Variants in ITPKB observed in about 807,000 individuals in gnomAD.
The protein encoded by ITPKB is inositol-trisphosphate 3-kinase B.
A neutral mutation model predicts 69.4 loss-of-function variants in ITPKB; 13 were observed. The ratio of observed to expected loss-of-function variants is 0.19; its 90% CI spans 0.12 to 0.30. The LOEUF (loss-of-function observed/expected upper bound fraction) is 0.30, where lower values mean the gene tolerates loss of function less well. Ranked by LOEUF, ITPKB falls within the 10% of genes least tolerant of loss-of-function variation. The pLI, the probability that ITPKB is intolerant of heterozygous loss-of-function variation, is 1.00. For missense variants in ITPKB, 1,240 were observed against 1,250.5 expected, an observed-to-expected ratio of 0.99 and a Z score of 0.13; for synonymous variants, 584 against 513.7, an observed-to-expected ratio of 1.14 and a Z score of -1.85.
intron 3 of ITPKB, 93 bp downstream of exon 3, chr1:226,648,579 C>A: frequency 1.2e-6 from 1 of 808,128 alleles, no homozygotes; most frequent in Non-Finnish European, 2.2e-6. Context: ...AGGGAACTTG[C>A]TCTGGAGCTT....
At chr1:226,701,073 A>C (rs538447649) in intron 2 of ITPKB, among the ~76,000 whole-genome samples, 1 of 152,176 alleles carries the variant, frequency 6.6e-6, no homozygotes, top group African/African-American at 2.4e-5. Flanking sequence ...CAGCTACCCA[A>C]TGACACTGAT....
intron 2 of ITPKB, among the ~76,000 whole-genome samples, chr1:226,682,929 C>A (rs187155130): frequency 6.6e-6 from 1 of 152,172 alleles, no homozygotes; most frequent in Non-Finnish European, 1.5e-5. Flanking sequence ...CCACGTTCTA[C>A]CTACCAAAGT....
At chr1:226,710,727 C>A (rs184683013) in intron 2 of ITPKB, among the ~76,000 whole-genome samples, 4 of 152,316 alleles carry the variant, frequency 2.6e-5, no homozygotes, top group Admixed American at 6.5e-5. Context: ...TTTGGCCCTG[C>A]CAGCCTGGGG....
intron 2 of ITPKB, among the ~76,000 whole-genome samples, chr1:226,713,010 C>T (rs2102638520): frequency 6.6e-6 from 1 of 152,250 alleles, no homozygotes; most frequent in South Asian, 2.1e-4. Context: ...CCCATACATG[C>T]ATGCATGCAC....
intron 2 of ITPKB, among the ~76,000 whole-genome samples, chr1:226,688,698 C>T (rs1325937788): frequency 6.6e-6 from 1 of 152,210 alleles, no homozygotes; most frequent in South Asian, 2.1e-4. Flanking sequence ...AGCACTTTCT[C>T]CTTCCCCTTT....
chr1:226,716,190 T>C (rs920539181), intron 2 of ITPKB, among the ~76,000 whole-genome samples: 1 of 152,202 alleles, frequency 6.6e-6, no homozygotes, highest in Non-Finnish European at 1.5e-5. Context: ...AGTAGTGTGG[T>C]TGATGTGGAA....
rs948914783 is a variant in ITPKB at position 226,738,122 on chromosome 1, C to G, written c.-205-459G>C. 5.3e-5 allele frequency among the ~76,000 whole-genome samples: 8 copies of G among 152,158 alleles called. No homozygotes were observed. The highest frequency in any genetic ancestry group is 7.4e-5 in the Non-Finnish European group (5 of 68,024). ...CAGCCCTCGCCCTGGGCTTCAGGGTCTCCCTGCTCCACCCTCTCGGGGCAT... is the reference window on the plus strand; with the variant it reads ...CAGCCCTCGCCCTGGGCTTCAGGGTGTCCCTGCTCCACCCTCTCGGGGCAT... On this transcript the variant is annotated intron_variant, in intron 1 of 7. Coordinates refer to ENST00000429204, the MANE Select transcript of ITPKB (RefSeq NM_002221.4). This position sits in a 1 kb window ranked among gnomAD's most constrained non-coding sequence, Gnocchi z 4.2.
chr1:226,651,121 G>A lies in ITPKB; in HGVS notation c.1933-2350C>T, dbSNP rs545385345. ...CTGCACCCACCAGAGACAGCTGGGG[G>A]CCAGACTCAGTGGAGAGAAAGAGAA... On this transcript the variant is annotated intron_variant, in intron 2 of 7. Transcript: ENST00000429204. Among the ~76,000 whole-genome samples the A allele has an allele frequency of 2.6e-5, 4 of 152,332 alleles. No individual in the cohort carries two copies. The South Asian group carries it at 8.3e-4, about 32-fold the overall frequency.
At chr1:226,656,317 G>C (rs2102752833) in intron 2 of ITPKB, among the ~76,000 whole-genome samples, 1 of 152,308 alleles carries the variant, frequency 6.6e-6, no homozygotes, top group East Asian at 1.9e-4. Flanking sequence ...GGAGGAGGGA[G>C]ATCAAACTCA....
intron 4 of ITPKB, among the ~76,000 whole-genome samples, chr1:226,645,502 T>C (rs1272779250): frequency 1.3e-5 from 2 of 152,128 alleles, no homozygotes; most frequent in Non-Finnish European, 2.9e-5. Flanking sequence ...GCTGGCTGTG[T>C]CTTTGGGACA....
At chr1:226,667,369 C>T (rs1669522719) in intron 2 of ITPKB, among the ~76,000 whole-genome samples, 1 of 152,162 alleles carries the variant, frequency 6.6e-6, no homozygotes, top group Non-Finnish European at 1.5e-5. Flanking sequence ...GTTGAGAAAG[C>T]GGAAGAGTGC....
intron 2 of ITPKB, among the ~76,000 whole-genome samples, chr1:226,701,628 A>C (rs1407299095): frequency 1.2e-4 from 18 of 150,680 alleles, no homozygotes; most frequent in Admixed American, 1.1e-3. Context: ...AAAAAAAAAA[A>C]AAACTTCACT....
intron 2 of ITPKB, among the ~76,000 whole-genome samples, chr1:226,716,109 C>A (rs572660588): frequency 1.3e-5 from 2 of 152,356 alleles, no homozygotes; most frequent in Admixed American, 1.3e-4. Context: ...CCGCACCTGG[C>A]CCTCTATTGC....
intron 6 of ITPKB, among the ~76,000 whole-genome samples, chr1:226,638,442 C>A (rs1668884819): frequency 6.6e-6 from 1 of 152,198 alleles, no homozygotes. Flanking sequence ...GGTCCGCCCC[C>A]ACTTGCTCTG....
At chr1:226,668,126 A>G (rs1054294249) in intron 2 of ITPKB, among the ~76,000 whole-genome samples, 2 of 152,220 alleles carry the variant, frequency 1.3e-5, no homozygotes, top group Non-Finnish European at 2.9e-5. Context: ...TGATTTAAAC[A>G]TAATCCAACA....
chr1:226,663,943 G>A (rs1346057999), intron 2 of ITPKB, among the ~76,000 whole-genome samples: 1 of 152,166 alleles, frequency 6.6e-6, no homozygotes, highest in Non-Finnish European at 1.5e-5. Flanking sequence ...GGCAAAGAAG[G>A]GCTGCACCCC....
chr1:226,664,486 G>A (rs372090450), intron 2 of ITPKB, among the ~76,000 whole-genome samples: 1 of 152,196 alleles, frequency 6.6e-6, no homozygotes, highest in African/African-American at 2.4e-5. Context: ...AGAGCCTTGG[G>A]GACTCTGTCC....
intron 2 of ITPKB, among the ~76,000 whole-genome samples, chr1:226,650,460 C>T (rs1460829736): frequency 6.6e-6 from 1 of 152,240 alleles, no homozygotes; most frequent in Non-Finnish European, 1.5e-5. Flanking sequence ...CCAAAGAAGG[C>T]TAGAGCCAGC....
intron 2 of ITPKB, among the ~76,000 whole-genome samples, chr1:226,719,094 G>A (rs1657166290): frequency 6.6e-6 from 1 of 152,076 alleles, no homozygotes; most frequent in Non-Finnish European, 1.5e-5. Flanking sequence ...TGGGCAACAT[G>A]GTGAAACCCC....
Sources: gnomAD v4.1 joint callset for allele counts (sites outside exome capture counted in the v4.1 genomes callset) on GRCh38, gnomAD v4.1.1 for gene constraint, Gnocchi (gnomAD v3.1) non-coding constraint, MANE v1.5 for transcripts, NCBI Gene and HGNC (gene_info 2026-07-23, HGNC 2026-07-21) for gene names.